Variants in ASCC1 observed in about 807,000 individuals in gnomAD.
ASCC1 encodes the protein activating signal cointegrator 1 complex subunit 1, also known as ASC-1 complex subunit P50.
In ASCC1, 35 loss-of-function variants were observed where a neutral mutation model predicts 46.6. The observed-to-expected ratio is 0.75, with a 90% confidence interval of 0.57 to 0.99. The LOEUF is 0.99. ASCC1 is among the 50% of genes least tolerant of loss of function. ASCC1 has a pLI of 0.00. For missense variants in ASCC1, 376 were observed against 428.7 expected (o/e 0.88, Z 1.09); for synonymous variants, 143 against 146.6 (o/e 0.98, Z 0.18).
chr10:72,160,902 T>C (rs138249335), intron 6 of ASCC1, among the ~76,000 whole-genome samples: 10,825 of 150,828 alleles, frequency 0.072, 1,167 homozygotes, highest in African/African-American at 0.23. Context: ...GCTAAAATGG[T>C]GAAACCCCGT....
intron 9 of ASCC1, among the ~76,000 whole-genome samples, chr10:72,101,822 T>C (rs1381248150): frequency 9.9e-5 from 15 of 152,036 alleles, no homozygotes; most frequent in Non-Finnish European, 1.9e-4. Flanking sequence ...AGGGTGATGT[T>C]GAGTGTCTCA....
intron 8 of ASCC1, among the ~76,000 whole-genome samples, chr10:72,131,632 A>T (rs1202668609): frequency 6.6e-6 from 1 of 152,176 alleles, no homozygotes; most frequent in African/African-American, 2.4e-5. Flanking sequence ...TCAATATGGC[A>T]TCACAAAATA....
intron 7 of ASCC1, among the ~76,000 whole-genome samples, chr10:72,149,404 C>G (rs1848040390): frequency 7.3e-6 from 1 of 136,414 alleles, no homozygotes; most frequent in Non-Finnish European, 1.5e-5. Context: ...CGCCACTGCA[C>G]TCCCGCCTGG....
chr10:72,206,299 G>T (rs1193026963), intron 3 of ASCC1, among the ~76,000 whole-genome samples: 1 of 151,944 alleles, frequency 6.6e-6, no homozygotes, highest in African/African-American at 2.4e-5. Flanking sequence ...AGCTACTCGG[G>T]AGGCTGAGGC....
chr10:72,176,275 A>C (rs1465989197), intron 5 of ASCC1, among the ~76,000 whole-genome samples: 1 of 151,886 alleles, frequency 6.6e-6, no homozygotes, highest in Non-Finnish European at 1.5e-5. Context: ...CATCCTCCAC[A>C]CTGCCTTCAA....
At position 72,203,414 on chromosome 10, in the gene ASCC1, T is replaced by G. The variant is rs1316886658; in HGVS notation, c.310+13A>C. Reference sequence around the variant, plus strand: ...AGTGACTTCAAATGTAACTTATATCTACTGAGTCTCACCAATTTCCCCGTC... The same window carrying G: ...AGTGACTTCAAATGTAACTTATATCGACTGAGTCTCACCAATTTCCCCGTC... On this transcript the variant is annotated intron_variant, in intron 4 of 9. Transcript: ENST00000672957. 1 of 1,585,250 alleles carries G rather than the reference T, an allele frequency of 6.3e-7. No homozygotes were observed. The highest frequency in any genetic ancestry group is 1.7e-5 in the Admixed American group (1 of 59,948).
At chr10:72,147,214 C>A (rs1041435492) in intron 7 of ASCC1, among the ~76,000 whole-genome samples, 1 of 151,712 alleles carries the variant, frequency 6.6e-6, no homozygotes, top group Non-Finnish European at 1.5e-5. Flanking sequence ...CAAAAATGTT[C>A]TTGGTTGATT....
chr10:72,207,982 A>AT (rs930915805), intron 3 of ASCC1, among the ~76,000 whole-genome samples: 4 of 151,462 alleles, frequency 2.6e-5, no homozygotes, highest in Admixed American at 2.0e-4. Flanking sequence ...TGGCTAATTT[A>AT]TTTTTTTTAT....
chr10:72,185,450 A>T (rs1284609973), intron 5 of ASCC1, among the ~76,000 whole-genome samples: 4 of 152,214 alleles, frequency 2.6e-5, no homozygotes, highest in Non-Finnish European at 5.9e-5. Flanking sequence ...TGGTACATTC[A>T]TGCAAAGAAA....
intron 5 of ASCC1, among the ~76,000 whole-genome samples, chr10:72,192,311 C>T (rs914741375): frequency 1.3e-5 from 2 of 151,876 alleles, no homozygotes; most frequent in Non-Finnish European, 2.9e-5. Context: ...AAAAATTAGC[C>T]GGGCATGGTG....
chr10:72,151,990 A>C (rs1315787172), intron 7 of ASCC1, among the ~76,000 whole-genome samples: 1 of 86,820 alleles, frequency 1.2e-5, no homozygotes, highest in African/African-American at 3.7e-5. Context: ...CAACCGGCCA[A>C]TATTTTTTTT....
chr10:72,210,737 G>A lies in ASCC1; in HGVS notation c.207C>T (p.Leu69=). ...CTGTTGGGGACATGACTCACTTATAGAGCAAGCTGGGGGCCCTCAAAGTAG... is the reference window on the plus strand; with the variant it reads ...CTGTTGGGGACATGACTCACTTATAAAGCAAGCTGGGGGCCCTCAAAGTAG... ...FRSTLRAPSL[L]YKHIVGKRGD... is the part of the protein sequence containing the mutation. The change falls in exon 3 of 10, where the codon CTC becomes CTT. Residue 69 remains leucine (L), a synonymous_variant. Coordinates refer to ENST00000672957, the MANE Select transcript of ASCC1 (RefSeq NM_001198800.3). The A allele has an allele frequency of 6.2e-7, 1 of 1,614,000 alleles. No individual in the cohort carries two copies. Among genetic ancestry groups the A allele is most frequent in the South Asian group, 1.1e-5 (1 of 91,076 alleles).
At chr10:72,128,573 G>C (rs903406564) in intron 8 of ASCC1, among the ~76,000 whole-genome samples, 1 of 152,274 alleles carries the variant, frequency 6.6e-6, no homozygotes, top group East Asian at 1.9e-4. Context: ...TTTTAAATAT[G>C]TAAAAATACA....
At chr10:72,195,691 G>A (rs182006509) in intron 5 of ASCC1, among the ~76,000 whole-genome samples, 14 of 151,724 alleles carry the variant, frequency 9.2e-5, no homozygotes, top group South Asian at 4.2e-4. Context: ...AAAATTAGCC[G>A]GGTATGGTGG....
chr10:72,134,622 T>C (rs1845981459), intron 7 of ASCC1, among the ~76,000 whole-genome samples: 1 of 152,216 alleles, frequency 6.6e-6, no homozygotes, highest in South Asian at 2.1e-4. Flanking sequence ...TTCTTTGATA[T>C]TGAATCTCTC....
At chr10:72,153,259 T>C (rs920548442) in intron 6 of ASCC1, among the ~76,000 whole-genome samples, 2 of 152,232 alleles carry the variant, frequency 1.3e-5, no homozygotes, top group African/African-American at 4.8e-5. Context: ...CACTGTCTCA[T>C]GAAGAAAGTC....
chr10:72,139,387 T>A (rs1392651975), intron 7 of ASCC1, among the ~76,000 whole-genome samples: 1 of 152,202 alleles, frequency 6.6e-6, no homozygotes, highest in East Asian at 1.9e-4. Flanking sequence ...AGTGCTGGGA[T>A]TACAGGTGTG....
chr10:72,186,532 T>A (rs563628813), intron 5 of ASCC1, among the ~76,000 whole-genome samples: 1 of 152,252 alleles, frequency 6.6e-6, no homozygotes, highest in South Asian at 2.1e-4. Context: ...GCTCTTCAAA[T>A]CTTGTAGAAG....
chr10:72,113,165 A>G (rs1843116483), intron 9 of ASCC1, among the ~76,000 whole-genome samples: 1 of 152,160 alleles, frequency 6.6e-6, no homozygotes, highest in South Asian at 2.1e-4. Context: ...AACATTACCA[A>G]ATATTTATTT....
Sources: gnomAD v4.1 joint callset for allele counts (sites outside exome capture counted in the v4.1 genomes callset) on GRCh38, gnomAD v4.1.1 for gene constraint, MANE v1.5 for transcripts, NCBI Gene and HGNC (gene_info 2026-07-23, HGNC 2026-07-21) for gene names.